Variants in SH3D19 observed in about 807,000 individuals in gnomAD.
SH3D19 encodes SH3 domain containing 19, also known as SH3 domain-containing protein 19.
Under a neutral mutation model 112.1 loss-of-function variants are expected in SH3D19, and 58 were observed. The ratio of observed to expected loss-of-function variants is 0.52; its 90% CI spans 0.42 to 0.64. The LOEUF (loss-of-function observed/expected upper bound fraction) is 0.64. SH3D19 is among the 30% of genes least tolerant of loss of function. The pLI is 0.00. For synonymous variants in SH3D19, 391 were observed against 448.5 expected (o/e 0.87, Z 1.62); for missense variants, 1,090 against 1,263.4 (o/e 0.86, Z 2.08).
At chr4:151,198,625 G>C (rs1323470770) in intron 2 of SH3D19, among the ~76,000 whole-genome samples, 1 of 151,232 alleles carries the variant, frequency 6.6e-6, no homozygotes, top group African/African-American at 2.4e-5. Flanking sequence ...CAAATATCTA[G>C]TGATGTCTAA....
Position 151,157,770 on chromosome 4 carries a change from A to G in SH3D19, c.1755+1470T>C, listed in dbSNP as rs145813539. On this transcript the variant is annotated intron_variant, in intron 9 of 19. Coordinates refer to ENST00000604030, the MANE Select transcript of SH3D19 (RefSeq NM_001378122.1). ...ACTATACAGCCATAAAAAAGAATGG[A>G]ATCCTGTCATTTGTGGCAACATAAA... Among the ~76,000 whole-genome samples the G allele has an allele frequency of 8.8e-3, 1,338 of 152,332 alleles. 26 individuals are homozygous for G. The highest frequency in any genetic ancestry group is 0.027 in the African/African-American group (1,119 of 41,570).
intron 1 of SH3D19, among the ~76,000 whole-genome samples, chr4:151,289,748 G>A (rs961888454): frequency 6.6e-6 from 1 of 152,070 alleles, no homozygotes; most frequent in African/African-American, 2.4e-5. Context: ...CCACTCCTAG[G>A]TATATGACCA....
intron 7 of SH3D19, among the ~76,000 whole-genome samples, chr4:151,168,843 C>G (rs1291518754): frequency 6.6e-6 from 1 of 152,064 alleles, no homozygotes; most frequent in Non-Finnish European, 1.5e-5. Flanking sequence ...GGAAGAAAAT[C>G]TTGAGCATGT....
rs1480501586 is a variant in SH3D19, at chr4:151,325,258, G to C, written c.95C>G (p.Ser32Trp). The C allele has an allele frequency of 7.4e-6, 9 of 1,221,574 alleles. No homozygotes were observed. The highest frequency in any genetic ancestry group is 7.1e-6 in the Non-Finnish European group (7 of 981,380). 75.7% of individuals were successfully genotyped at this position (1,221,574 alleles called of 1,614,324 possible). The change falls in exon 1 of 20, where the codon TCG becomes TGG. Residue 32 changes from serine to tryptophan, a missense_variant. Physicochemically the swap from Ser to Trp is radical, Grantham distance 177. Transcript: ENST00000604030. Reference sequence around the variant, plus strand: ...CCTCTCACCTGCGGCCGAGTGGCCCGAGAGCGCACGGCCCCGGGCGCGGCG... The same window carrying C: ...CCTCTCACCTGCGGCCGAGTGGCCCCAGAGCGCACGGCCCCGGGCGCGGCG... The part of the protein sequence containing the change: ...GQRRARGRAL[S>W]GHSAADRNER...
At chr4:151,184,364 AAAG>A (rs1761405706) in intron 3 of SH3D19, among the ~76,000 whole-genome samples, 1 of 152,214 alleles carries the variant, frequency 6.6e-6, no homozygotes, top group Non-Finnish European at 1.5e-5. Flanking sequence ...GAATAGGCAA[AAAG>A]AAGAAAACAA....
chr4:151,243,601 T>C (rs543977584), intron 1 of SH3D19, among the ~76,000 whole-genome samples: 1 of 152,226 alleles, frequency 6.6e-6, no homozygotes, highest in South Asian at 2.1e-4. Flanking sequence ...TTAAGCAAGA[T>C]AATGGGTATG....
chr4:151,320,869 G>A (rs1380433786), intron 1 of SH3D19, among the ~76,000 whole-genome samples: 6 of 151,996 alleles, frequency 3.9e-5, no homozygotes, highest in East Asian at 3.9e-4. Flanking sequence ...GCAAAACCCC[G>A]CCTCTACTAA....
chr4:151,282,905 A>T (rs985500500), intron 1 of SH3D19, among the ~76,000 whole-genome samples: 1 of 151,096 alleles, frequency 6.6e-6, no homozygotes, highest in African/African-American at 2.5e-5. Flanking sequence ...TGGCTCAATT[A>T]AAAAAAAACC....
In SH3D19 at chr4:151,126,871, GAA is replaced by G. The variant is rs78715609; in HGVS notation, c.3027+745_3027+746del. ...AGAAGAAATTAGGCATTTCTTCGGT[GAA>G]AAAAAAAAAAAAAAAAACCTTTGCA... On this transcript the variant is annotated intron_variant, in intron 19 of 19. Coordinates refer to ENST00000604030, the MANE Select transcript of SH3D19 (RefSeq NM_001378122.1). 6.8e-3 allele frequency among the ~76,000 whole-genome samples: 755 copies of G among 110,738 alleles called. 6 individuals carry two copies. Among genetic ancestry groups the G allele is most frequent in the Middle Eastern group, 0.018 (4 of 224 alleles). 72.6% of individuals were successfully genotyped at this position (110,738 alleles called of 152,430 possible). A position where few individuals can be genotyped will look rare whatever the true frequency, so the allele number is the denominator to read the frequency against.
chr4:151,163,548 C>G (rs1290547779), intron 8 of SH3D19, among the ~76,000 whole-genome samples: 1 of 151,088 alleles, frequency 6.6e-6, no homozygotes, highest in Non-Finnish European at 1.5e-5. Context: ...ATAATATTGT[C>G]AAAAGAAATA....
intron 3 of SH3D19, among the ~76,000 whole-genome samples, chr4:151,185,323 A>G (rs1313867013): frequency 2.0e-5 from 3 of 152,150 alleles, no homozygotes; most frequent in Non-Finnish European, 4.4e-5. Flanking sequence ...TTGAAGGCAT[A>G]GCTTGTCCTC....
intron 2 of SH3D19, among the ~76,000 whole-genome samples, chr4:151,188,192 G>A (rs1428129094): frequency 1.3e-5 from 2 of 152,134 alleles, no homozygotes; most frequent in Non-Finnish European, 2.9e-5. Context: ...TATTATAGGA[G>A]CAAAAAATTG....
intron 1 of SH3D19, among the ~76,000 whole-genome samples, chr4:151,315,289 C>T (rs1019527558): frequency 1.5e-4 from 23 of 152,274 alleles, no homozygotes; most frequent in African/African-American, 2.6e-4. Context: ...GGAATTGTCT[C>T]GGCACCCAGT....
chr4:151,272,792 T>C (rs1302774791), intron 1 of SH3D19, among the ~76,000 whole-genome samples: 1 of 139,290 alleles, frequency 7.2e-6, no homozygotes, highest in African/African-American at 2.5e-5. Flanking sequence ...GGATACTTCA[T>C]AGGGGGTAAC....
intron 1 of SH3D19, among the ~76,000 whole-genome samples, chr4:151,321,709 G>C (rs1242980140): frequency 1.3e-5 from 2 of 152,154 alleles, no homozygotes; most frequent in African/African-American, 4.8e-5. Context: ...TTTGCAAAGT[G>C]CATCATCCTT....
chr4:151,237,216 AGGGTCTGT>A (rs1407672399), intron 1 of SH3D19, among the ~76,000 whole-genome samples: 10 of 152,238 alleles, frequency 6.6e-5, no homozygotes, highest in Admixed American at 1.3e-4. Context: ...ACTCACCGCG[AGGGTCTGT>A]GGCTTCATTC....
intron 2 of SH3D19, among the ~76,000 whole-genome samples, chr4:151,209,036 G>C (rs1032914850): frequency 1.3e-5 from 2 of 152,072 alleles, no homozygotes; most frequent in Admixed American, 1.3e-4. Flanking sequence ...AACCCTGACT[G>C]ATAAAGCAAC....
At position 151,127,656 on chromosome 4, in the gene SH3D19, C is replaced by T. The variant is rs778739789; in HGVS notation, c.2989G>A (p.Asp997Asn). The T allele has an allele frequency of 6.2e-7, 1 of 1,606,244 alleles. No individual in the cohort carries two copies. Among genetic ancestry groups the T allele is most frequent in the African/African-American group, 1.3e-5 (1 of 74,424 alleles). ...TCATCTTCATTCTCCCCTCGGAAAT[C>T]ATATAAGGCTTTGGCCTTCCTCCCC... ...PKGRKAKALYDFRGENEDELS... is the reference protein window; with the variant it reads ...PKGRKAKALYNFRGENEDELS... The change falls in exon 19 of 20, where the codon GAT becomes AAT. Residue 997 changes from aspartate (D) to asparagine (N), a missense_variant. By Grantham distance (23) the Asp-to-Asn change is conservative. Coordinates refer to ENST00000604030, the MANE Select transcript of SH3D19 (RefSeq NM_001378122.1).
rs77239428 is a variant in SH3D19, at chr4:151,166,699, T to A, written c.1535-1003A>T. On this transcript the variant is annotated intron_variant, in intron 7 of 19. Transcript: ENST00000604030. ...CGGGGAGATACTCTCTATAAAACTATGCACTCCATAGCTCCTGTGATGAAC... is the reference window on the plus strand; with the variant it reads ...CGGGGAGATACTCTCTATAAAACTAAGCACTCCATAGCTCCTGTGATGAAC... 3.2e-3 allele frequency among the ~76,000 whole-genome samples: 485 copies of A among 152,322 alleles called. 1 individual carries two copies. The highest frequency in any genetic ancestry group is 0.011 in the African/African-American group (459 of 41,584).
Sources: allele counts gnomAD v4.1 joint callset (sites outside exome capture counted in the v4.1 genomes callset), GRCh38; gene constraint gnomAD v4.1.1; transcripts MANE v1.5; gene names NCBI Gene and HGNC (gene_info 2026-07-23, HGNC 2026-07-21).